Variants in SPIN1 observed in about 807,000 individuals in gnomAD.
SPIN1 encodes the protein spindlin-1.
SPIN1 carries 3 observed loss-of-function variants against 26.0 expected under a neutral mutation model. That is an observed-to-expected ratio of 0.12 (90% CI 0.05 to 0.30). The LOEUF (loss-of-function observed/expected upper bound fraction) is 0.30, where lower values mean the gene tolerates loss of function less well. Ranked by LOEUF, SPIN1 falls within the 10% of genes least tolerant of loss-of-function variation. The probability of loss-of-function intolerance (pLI) is 1.00; values close to 1 mark genes in which losing one functional copy is unlikely to be tolerated. For synonymous variants in SPIN1, 101 were observed against 116.5 expected, an observed-to-expected ratio of 0.87 and a Z score of 0.86; for missense variants, 126 against 333.4, an observed-to-expected ratio of 0.38 and a Z score of 4.84.
At chr9:88,457,817 T>C (rs891927586) in intron 3 of SPIN1, 2 of 980,176 alleles carry the variant, frequency 2.0e-6, no homozygotes, top group African/African-American at 3.5e-5. Flanking sequence ...AGAATATACA[T>C]GAGAAAAAAA....
chr9:88,391,286 C>T (rs941492840), intron 1 of SPIN1: 4 of 152,392 alleles, frequency 2.6e-5, no homozygotes, highest in Admixed American at 6.5e-5. Context: ...TATACAGGCT[C>T]TTCTAACATA....
chr9:88,464,090 T>C (rs902499992), intron 4 of SPIN1, among the ~76,000 whole-genome samples: 2 of 152,202 alleles, frequency 1.3e-5, no homozygotes, highest in Non-Finnish European at 2.9e-5. Flanking sequence ...TTCCATGTTG[T>C]TTGTAGTTTG....
intron 1 of SPIN1, among the ~76,000 whole-genome samples, chr9:88,396,975 C>T (rs186761186): frequency 1.2e-4 from 19 of 152,144 alleles, no homozygotes; most frequent in Middle Eastern, 6.8e-3. Context: ...AATGGCATGC[C>T]TGTGTAGGGC....
At chr9:88,464,877 GA>G (rs372707247) in intron 4 of SPIN1, among the ~76,000 whole-genome samples, 3 of 152,054 alleles carry the variant, frequency 2.0e-5, no homozygotes, top group Non-Finnish European at 2.9e-5. Context: ...TTACAAATCT[GA>G]AACTCTCTAC....
intron 1 of SPIN1, among the ~76,000 whole-genome samples, chr9:88,420,616 A>G (rs1029423128): frequency 1.3e-5 from 2 of 152,240 alleles, no homozygotes; most frequent in African/African-American, 4.8e-5. Flanking sequence ...TTTCCAATTT[A>G]AAAGAGTTTA....
intron 2 of SPIN1, among the ~76,000 whole-genome samples, chr9:88,431,132 G>A (rs1051852562): frequency 1.1e-4 from 17 of 152,054 alleles, no homozygotes; most frequent in African/African-American, 3.9e-4. Flanking sequence ...TGATCTGCCC[G>A]CCTCGGCCTC....
At chr9:88,420,126 A>G (rs905313145) in intron 1 of SPIN1, among the ~76,000 whole-genome samples, 7 of 152,238 alleles carry the variant, frequency 4.6e-5, no homozygotes, top group Non-Finnish European at 1.0e-4. Context: ...CTGTAATCCC[A>G]GCACTTTGGG....
rs1288637619 is a variant in SPIN1 at position 88,478,053 on chromosome 9, T to C, written c.*2776T>C. On this transcript the variant is annotated 3_prime_UTR_variant, in exon 6 of 6. Transcript: ENST00000375859. ...TTTGCTTACTGTGCCGTTTTAGTGG[T>C]TTTAGGATAAAAATGCACTGGTGAA... 6.6e-6 allele frequency: 1 copy of C among 152,160 alleles called. No homozygotes were observed. The highest frequency in any genetic ancestry group is 6.5e-5 in the Admixed American group (1 of 15,276). 9.4% of individuals were successfully genotyped at this position (152,160 alleles called of 1,614,324 possible).
At chr9:88,402,554 T>A (rs1185154562) in intron 1 of SPIN1, among the ~76,000 whole-genome samples, 1 of 151,112 alleles carries the variant, frequency 6.6e-6, no homozygotes, top group African/African-American at 2.4e-5. Context: ...TGTTAGAACA[T>A]GTGTTATTTG....
Position 88,444,176 on chromosome 9 carries a change from C to A in SPIN1, c.53-4765C>A, listed in dbSNP as rs182522799. 1.9e-3 allele frequency among the ~76,000 whole-genome samples: 281 copies of A among 149,652 alleles called. 9 individuals carry two copies. In the South Asian group the frequency reaches 0.046, roughly 25 times the overall value. On this transcript the variant is annotated intron_variant, in intron 2 of 5. Coordinates refer to ENST00000375859, the MANE Select transcript of SPIN1 (RefSeq NM_006717.3). ...TTGGAAGCTTTTTAAGTGCCAGATT[C>A]TCTTCATTTATTTTTTAATTTTCAG...
rs2118249724 is a variant in SPIN1 at position 88,476,756 on chromosome 9, TG to T, written c.*1481del. 1 of 152,334 alleles carries T rather than the reference TG, an allele frequency of 6.6e-6. No individual in the cohort carries two copies. The highest frequency in any genetic ancestry group is 2.1e-4 in the South Asian group (1 of 4,824). The allele number at this position is 152,334 out of a possible 1,614,324, so 9.4% of individuals were successfully genotyped here. On this transcript the variant is annotated 3_prime_UTR_variant, in exon 6 of 6. Coordinates refer to ENST00000375859, the MANE Select transcript of SPIN1 (RefSeq NM_006717.3). Reference sequence around the variant, plus strand: ...TCATTTTGTTTTGGAGGAACCCTGGTGGTTTGACAGCCAGGAGAAAGGCCAT... The same window carrying T: ...TCATTTTGTTTTGGAGGAACCCTGGTGTTTGACAGCCAGGAGAAAGGCCAT...
intron 3 of SPIN1, among the ~76,000 whole-genome samples, chr9:88,456,447 T>TA (rs1002427770): frequency 2.0e-5 from 3 of 152,122 alleles, no homozygotes; most frequent in Non-Finnish European, 4.4e-5. Flanking sequence ...TCAGAGATAG[T>TA]AAGGGCTGGA....
intron 1 of SPIN1, among the ~76,000 whole-genome samples, chr9:88,403,105 C>A (rs1363185450): frequency 6.6e-6 from 1 of 151,834 alleles, no homozygotes; most frequent in Admixed American, 6.6e-5. Context: ...TTTTTGATGT[C>A]CTTTGCCCAC....
intron 2 of SPIN1, among the ~76,000 whole-genome samples, chr9:88,433,332 C>T (rs1357082879): frequency 6.6e-6 from 1 of 152,180 alleles, no homozygotes; most frequent in Non-Finnish European, 1.5e-5. Flanking sequence ...ATCCACTGGC[C>T]TTGGTCTCCC....
chr9:88,417,439 A>G (rs1286622530), intron 1 of SPIN1, among the ~76,000 whole-genome samples: 2 of 152,118 alleles, frequency 1.3e-5, no homozygotes, highest in African/African-American at 4.8e-5. Context: ...TTCTCATGCC[A>G]GTTGCAAGTC....
intron 3 of SPIN1, among the ~76,000 whole-genome samples, chr9:88,458,258 G>T (rs550505926): frequency 5.3e-5 from 8 of 152,272 alleles, no homozygotes; most frequent in Admixed American, 5.2e-4. Context: ...AGACAACACA[G>T]AACAAAATGT....
chr9:88,450,887 G>A (rs1828340396), intron 3 of SPIN1, among the ~76,000 whole-genome samples: 1 of 152,162 alleles, frequency 6.6e-6, no homozygotes, highest in African/African-American at 2.4e-5. Context: ...ATGGCTGCAT[G>A]GAGCTTTGAA....
intron 4 of SPIN1, among the ~76,000 whole-genome samples, chr9:88,466,571 T>A (rs1443851677): frequency 2.0e-5 from 3 of 152,356 alleles, no homozygotes; most frequent in African/African-American, 7.2e-5. Context: ...GTGTAATTTT[T>A]TATTATTACT....
chr9:88,467,040 A>T (rs765819648), intron 4 of SPIN1, among the ~76,000 whole-genome samples: 14 of 151,814 alleles, frequency 9.2e-5, no homozygotes, highest in Admixed American at 5.2e-4. Context: ...CTTGTCTCTA[A>T]TTGTTTGTTT....
Sources: allele counts gnomAD v4.1 joint callset (sites outside exome capture counted in the v4.1 genomes callset), GRCh38; gene constraint gnomAD v4.1.1; transcripts MANE v1.5; gene names NCBI Gene and HGNC (gene_info 2026-07-23, HGNC 2026-07-21).